The following PRAC2 variants were observed in gnomAD, a reference collection of about 807,000 sequenced individuals.
PRAC2 encodes the protein protein PRAC2.
For synonymous variants in PRAC2, 43 were observed against 49.5 expected, an observed-to-expected ratio of 0.87 and a Z score of 0.55; for missense variants, 92 against 114.5, an observed-to-expected ratio of 0.80 and a Z score of 0.90.
chr17:48,722,649 C>T, upstream of PRAC2: 1 of 484,970 alleles, frequency 2.1e-6, no homozygotes, highest in Non-Finnish European at 3.7e-6. Context: ...CTCCTCCCAG[C>T]AGCCTCCTCG....
intron 1 of PRAC2, chr17:48,723,797 C>A (rs2038172899): frequency 1.6e-6 from 2 of 1,226,290 alleles, no homozygotes; most frequent in Non-Finnish European, 2.0e-6. Context: ...TGCGCCACTA[C>A]TCCCTTATTC....
At position 48,724,633 on chromosome 17, in the gene PRAC2, G is replaced by T; in HGVS notation, c.223G>T (p.Val75Leu). Reference sequence around the variant, plus strand: ...CGAGGCCCCAGGCCGCTGGAAGCCTGTAGCTCCGCGGACGATGAAAGCCTG... The same window carrying T: ...CGAGGCCCCAGGCCGCTGGAAGCCTTTAGCTCCGCGGACGATGAAAGCCTG... The part of the protein sequence containing the change: ...THEAPGRWKP[V>L]APRTMKACPQ... Residue 75 changes from valine to leucine, a missense_variant, in exon 2 of 2, where the codon GTA (valine) becomes TTA (leucine). Coordinates refer to ENST00000422730, the MANE Select transcript of PRAC2 (RefSeq NM_001282275.2). The T allele has an allele frequency of 1.6e-6, 2 of 1,232,202 alleles. No homozygotes were observed. Among genetic ancestry groups the T allele is most frequent in the Non-Finnish European group, 2.0e-6 (2 of 987,994 alleles). The allele number at this position is 1,232,202 out of a possible 1,614,324, so 76.3% of individuals were successfully genotyped here.
intron 1 of PRAC2, chr17:48,723,747 C>T: frequency 8.1e-7 from 1 of 1,231,738 alleles, no homozygotes; most frequent in Non-Finnish European, 1.0e-6. Flanking sequence ...GTGCTGGAAC[C>T]GAGATTCAAA....
chr17:48,723,651 G>C, intron 1 of PRAC2: 1 of 1,189,260 alleles, frequency 8.4e-7, no homozygotes, highest in East Asian at 3.2e-5. Context: ...CTCGGCTGGC[G>C]GCGGCCTCGC....
chr17:48,724,463 T>C lies in PRAC2; in HGVS notation c.53T>C (p.Phe18Ser), dbSNP rs781039600. 2 of 1,233,668 alleles carry C rather than the reference T, an allele frequency of 1.6e-6. No individual in the cohort carries two copies. Among genetic ancestry groups the C allele is most frequent in the Non-Finnish European group, 2.0e-6 (2 of 988,054 alleles). 76.4% of individuals were successfully genotyped at this position (1,233,668 alleles called of 1,614,324 possible). ...CCTGGCTCCCGCAGACCGACCGCCT[T>C]CTTCTTCCATTCGAGATGGCTCGTA... ...LRPGSRRPTA[F>S]FFHSRWLVPN... is the part of the protein sequence containing the mutation. The change falls in exon 2 of 2, where the codon TTC (phenylalanine) becomes TCC (serine). Residue 18 changes from phenylalanine to serine, a missense_variant. Transcript: ENST00000422730.
chr17:48,719,239 A>G (rs867170429), upstream of PRAC2, among the ~76,000 whole-genome samples: 27 of 136,712 alleles, frequency 2.0e-4, no homozygotes, highest in African/African-American at 5.6e-4. Flanking sequence ...ACACACACAC[A>G]CACACGCACA....
chr17:48,724,680 G>GT lies in PRAC2; in HGVS notation c.271dup (p.Ter91LeufsTer13). 8.1e-7 allele frequency: 1 copy of GT among 1,231,938 alleles called. No individual in the cohort carries two copies. The highest frequency in any genetic ancestry group is 1.0e-6 in the Non-Finnish European group (1 of 987,754). 76.3% of individuals were successfully genotyped at this position (1,231,938 alleles called of 1,614,324 possible). ...CCTGCCCGCAGGTTCTCCTGGAGTG[G>GT]TGAGCCTCTGTCGGAAGGGGGCGCC... On this transcript the variant is annotated frameshift_variant, in exon 2 of 2. Transcript: ENST00000422730. LOFTEE classifies it high-confidence loss of function.
At chr17:48,720,796 G>A (rs1353627434), upstream of PRAC2, among the ~76,000 whole-genome samples, 2 of 152,174 alleles carry the variant, frequency 1.3e-5, no homozygotes, top group Non-Finnish European at 2.9e-5. Context: ...GTGTTTGGGT[G>A]CACCTGTGTG....
At chr17:48,721,035 G>A (rs1412429816), upstream of PRAC2, among the ~76,000 whole-genome samples, 2 of 152,210 alleles carry the variant, frequency 1.3e-5, no homozygotes, top group South Asian at 2.1e-4. Flanking sequence ...GTCATTATGG[G>A]AGGGGGAACT....
upstream of PRAC2, among the ~76,000 whole-genome samples, chr17:48,720,103 G>A (rs1029982199): frequency 4.5e-4 from 68 of 152,336 alleles, no homozygotes; most frequent in African/African-American, 1.5e-3. Context: ...CCACAGGATG[G>A]GTACGGACCC....
chr17:48,724,584 C>T lies in PRAC2; in HGVS notation c.174C>T (p.Asp58=), dbSNP rs1193737407. 1 of 1,232,076 alleles carries T rather than the reference C, an allele frequency of 8.1e-7. No homozygotes were observed. Among genetic ancestry groups the T allele is most frequent in the Non-Finnish European group, 1.0e-6 (1 of 987,966 alleles). 76.3% of individuals were successfully genotyped at this position (1,232,076 alleles called of 1,614,324 possible). A position where few individuals can be genotyped will look rare whatever the true frequency, so the allele number is the denominator to read the frequency against. The part of the protein sequence containing the change: ...WPNGRRHRVL[D]PHTQLSTHEA... ...ATGGCAGGCGACATCGGGTCCTGGA[C>T]CCCCACACGCAGCTCAGTACCCACG... Residue 58 remains aspartate, a synonymous_variant, in exon 2 of 2, where the codon GAC becomes GAT. Coordinates refer to ENST00000422730, the MANE Select transcript of PRAC2 (RefSeq NM_001282275.2).
chr17:48,722,206 A>C, upstream of PRAC2: 1 of 930,626 alleles, frequency 1.1e-6, no homozygotes, highest in Non-Finnish European at 1.7e-6. Flanking sequence ...CTTGTTTCCC[A>C]AAACTTCTGA....
upstream of PRAC2, chr17:48,722,189 C>A: frequency 2.5e-6 from 2 of 809,428 alleles, no homozygotes; most frequent in East Asian, 5.2e-5. Flanking sequence ...CTGCTGCTCA[C>A]CCTTCCCTTG....
intron 1 of PRAC2, among the ~76,000 whole-genome samples, chr17:48,723,924 G>A (rs1224689932): frequency 1.3e-5 from 2 of 152,242 alleles, no homozygotes; most frequent in East Asian, 3.9e-4. Flanking sequence ...GAGATTCGCT[G>A]CGGGAGTTTG....
At position 48,724,503 on chromosome 17, in the gene PRAC2, C is replaced by T; in HGVS notation, c.93C>T (p.Ala31=). 1 of 1,234,056 alleles carries T rather than the reference C, an allele frequency of 8.1e-7. No homozygotes were observed. The highest frequency in any genetic ancestry group is 1.0e-6 in the Non-Finnish European group (1 of 988,150). 76.4% of individuals were successfully genotyped at this position (1,234,056 alleles called of 1,614,324 possible). A position where few individuals can be genotyped will look rare whatever the true frequency, so the allele number is the denominator to read the frequency against. ...HSRWLVPNLL[A]FFLGLSGAGP... is the part of the protein sequence containing the mutation. ...GATGGCTCGTACCGAACCTCCTTGCCTTCTTCCTGGGTCTCTCGGGGGCTG... is the reference window on the plus strand; with the variant it reads ...GATGGCTCGTACCGAACCTCCTTGCTTTCTTCCTGGGTCTCTCGGGGGCTG... Residue 31 remains alanine, a synonymous_variant, in exon 2 of 2, where the codon GCC becomes GCT. Coordinates refer to ENST00000422730, the MANE Select transcript of PRAC2 (RefSeq NM_001282275.2).
At chr17:48,721,943 G>T (rs751975683), upstream of PRAC2, 7 of 1,465,730 alleles carry the variant, frequency 4.8e-6, no homozygotes, top group South Asian at 8.5e-5. Flanking sequence ...TAATAATAAC[G>T]TTATCAATAT....
rs1239421097 is a variant in PRAC2 at position 48,724,400 on chromosome 17, A to G, written c.-11A>G. On this transcript the variant is annotated 5_prime_UTR_variant, in exon 2 of 2. Transcript: ENST00000422730. ...ACCACTAATTATTATGGCGAGGAAGATAAAGAAGACATGGACAGAAGGCGG... is the reference window on the plus strand; with the variant it reads ...ACCACTAATTATTATGGCGAGGAAGGTAAAGAAGACATGGACAGAAGGCGG... 8 of 1,234,258 alleles carry G rather than the reference A, an allele frequency of 6.5e-6. No homozygotes were observed. The African/African-American group carries it at 1.1e-4, about 17-fold the overall frequency. 76.5% of individuals were successfully genotyped at this position (1,234,258 alleles called of 1,614,324 possible).
chr17:48,719,417 T>C (rs998405306), upstream of PRAC2, among the ~76,000 whole-genome samples: 2 of 151,836 alleles, frequency 1.3e-5, no homozygotes, highest in African/African-American at 4.8e-5. Flanking sequence ...TTCCAGGTCC[T>C]GGGAAGGCAG....
At chr17:48,718,715 G>T (rs2038118264), upstream of PRAC2, among the ~76,000 whole-genome samples, 1 of 152,164 alleles carries the variant, frequency 6.6e-6, no homozygotes, top group African/African-American at 2.4e-5. Flanking sequence ...AAAGGCAGAA[G>T]GGTTGGCTGG....
Sources: gnomAD v4.1 joint callset for allele counts (sites outside exome capture counted in the v4.1 genomes callset) on GRCh38, gnomAD v4.1.1 for gene constraint, MANE v1.5 for transcripts, NCBI Gene and HGNC (gene_info 2026-07-23, HGNC 2026-07-21) for gene names.